Variants in ERCC6 observed in about 807,000 individuals in gnomAD.
ERCC6 encodes DNA excision repair protein ERCC-6.
Under a neutral mutation model 158.7 loss-of-function variants are expected in ERCC6, and 116 were observed. The observed-to-expected ratio is 0.73, with a 90% confidence interval of 0.63 to 0.85. The LOEUF (loss-of-function observed/expected upper bound fraction) is 0.85, where lower values mean the gene tolerates loss of function less well. ERCC6 is among the 40% of genes least tolerant of loss of function. The probability of loss-of-function intolerance (pLI) is 0.00; values close to 1 mark genes in which losing one functional copy is unlikely to be tolerated. For missense variants in ERCC6, 1,698 were observed against 1,799.4 expected, an observed-to-expected ratio of 0.94 and a Z score of 1.02; for synonymous variants, 678 against 659.3, an observed-to-expected ratio of 1.03 and a Z score of -0.43.
At chr10:49,529,780 GT>G (rs1415284517) in intron 3 of ERCC6, among the ~76,000 whole-genome samples, 1 of 152,078 alleles carries the variant, frequency 6.6e-6, no homozygotes, top group Admixed American at 6.5e-5. Context: ...AACTGAAATG[GT>G]TACAGCTAGT....
chr10:49,528,452 AT>A lies in ERCC6; in HGVS notation c.616del (p.Ile206LeufsTer3). The A allele has an allele frequency of 6.2e-7, 1 of 1,614,128 alleles. No individual in the cohort carries two copies. Among genetic ancestry groups the A allele is most frequent in the Non-Finnish European group, 8.5e-7 (1 of 1,180,012 alleles). On this transcript the variant is annotated frameshift_variant, in exon 4 of 21. Coordinates refer to ENST00000355832, the MANE Select transcript of ERCC6 (RefSeq NM_000124.4). LOFTEE classifies it high-confidence loss of function. The stretch of plus-strand genomic sequence containing the variant: ...CTCCAGACTGGCGTGATCTAGTTCA[AT>A]TTTCACCTCTGCTCCTCCAAGGATG... The part of the protein sequence containing the change: ...QAILGGAEVK[I>X]ELDHASLEED...
intron 8 of ERCC6, among the ~76,000 whole-genome samples, chr10:49,490,323 G>A (rs1046986568): frequency 1.3e-5 from 2 of 150,864 alleles, no homozygotes; most frequent in Non-Finnish European, 2.9e-5. Flanking sequence ...TTGAGAAATT[G>A]ACCATTTGAT....
rs1038498892 is a variant in ERCC6 at position 49,470,856 on chromosome 10, T to A, written c.3104A>T (p.His1035Leu). Residue 1035 changes from histidine to leucine, a missense_variant, in exon 18 of 21, where the codon CAT (histidine) becomes CTT (leucine). His to Leu is a moderately conservative substitution (Grantham distance 99, BLOSUM62 -3). Coordinates refer to ENST00000355832, the MANE Select transcript of ERCC6 (RefSeq NM_000124.4). ...GGCTGGTTGAATCCTTCTTTTTAGA[T>A]GGCATTTGGGTGTCTGAACATCTGA... ...TGSDVQTPKC[H>L]LKRRIQPAFG... The A allele has an allele frequency of 1.2e-6, 2 of 1,614,046 alleles. No individual in the cohort carries two copies. Among genetic ancestry groups the A allele is most frequent in the Non-Finnish European group, 1.7e-6 (2 of 1,179,960 alleles).
intron 5 of ERCC6, among the ~76,000 whole-genome samples, chr10:49,508,774 TC>T (rs1851487256): frequency 6.6e-6 from 1 of 151,986 alleles, no homozygotes; most frequent in Non-Finnish European, 1.5e-5. Flanking sequence ...CTGATGAGGG[TC>T]CACTGAAGCA....
chr10:49,523,950 A>C, intron 5 of ERCC6, 83 bp downstream of exon 5: 1 of 1,575,626 alleles, frequency 6.3e-7, no homozygotes. Flanking sequence ...ATTAAGCTGG[A>C]TCTAGAATGC....
Position 49,482,650 on chromosome 10 carries a change from T to C in ERCC6, c.2169+37A>G, listed in dbSNP as rs1280959653. The C allele has an allele frequency of 3.1e-6, 5 of 1,597,896 alleles. No homozygotes were observed. In the African/African-American group the frequency reaches 5.4e-5, roughly 17 times the overall value. ...GTATTTAATAGGAGCACTTTAAATA[T>C]TAAAATGCCAAAAGTATTATCATCC... On this transcript the variant is annotated intron_variant, in intron 10 of 20. Coordinates refer to ENST00000355832, the MANE Select transcript of ERCC6 (RefSeq NM_000124.4).
rs147503108 is a variant in ERCC6, at chr10:49,489,543, C to T, written c.1821+3574G>A. On this transcript the variant is annotated intron_variant, in intron 8 of 20. Coordinates refer to ENST00000355832, the MANE Select transcript of ERCC6 (RefSeq NM_000124.4). ...GTCTTGTAAGCACAAAACCAATGCACTTAAAACTGCATGCTCTTGTTGCTT... is the reference window on the plus strand; with the variant it reads ...GTCTTGTAAGCACAAAACCAATGCATTTAAAACTGCATGCTCTTGTTGCTT... Among the ~76,000 whole-genome samples the T allele has an allele frequency of 7.2e-5, 11 of 152,284 alleles. No homozygotes were observed. The East Asian group carries it at 2.1e-3, about 29-fold the overall frequency.
intron 1 of ERCC6, among the ~76,000 whole-genome samples, chr10:49,538,106 G>T (rs1029586068): frequency 1.3e-5 from 2 of 152,210 alleles, no homozygotes; most frequent in Admixed American, 1.3e-4. Context: ...GAAGGGCTCC[G>T]TTCATGGCCT....
intron 13 of ERCC6, 64 bp downstream of exon 13, chr10:49,473,963 T>C (rs1850829028): frequency 7.1e-7 from 1 of 1,406,902 alleles, no homozygotes; most frequent in South Asian, 1.2e-5. Flanking sequence ...TTGAATCCCA[T>C]TTTGTGAGTT....
At chr10:49,516,016 T>C (rs758984257) in intron 5 of ERCC6, 45 of 1,614,092 alleles carry the variant, frequency 2.8e-5, no homozygotes, top group Non-Finnish European at 3.5e-5. Context: ...TGATGTCCCA[T>C]TGAACTGAGC....
chr10:49,516,044 A>C, intron 5 of ERCC6: 1 of 1,614,182 alleles, frequency 6.2e-7, no homozygotes, highest in Non-Finnish European at 8.5e-7. Context: ...GAAGTGCAAT[A>C]CTGGTGAAAA....
At chr10:49,476,374 T>A in intron 11 of ERCC6, 64 bp from the exon 12 acceptor site, 1 of 1,128,698 alleles carries the variant, frequency 8.9e-7, no homozygotes, top group East Asian at 2.6e-5. Flanking sequence ...ATAATTAAAA[T>A]ATCAACAAAA....
rs56298337 is a variant in ERCC6 at position 49,506,032 on chromosome 10, C to A, written c.1398-20G>T. 9 of 1,612,044 alleles carry A rather than the reference C, an allele frequency of 5.6e-6. No individual in the cohort carries two copies. In the East Asian group the frequency reaches 2.0e-4, roughly 36 times the overall value. ...CATCTCCTACCATGAAAATAAAAAT[C>A]ACATTTCCATTATTTTGATCACAAG... On this transcript the variant is annotated intron_variant, in intron 5 of 20. Coordinates refer to ENST00000355832, the MANE Select transcript of ERCC6 (RefSeq NM_000124.4).
chr10:49,517,497 A>T (rs989903042), intron 5 of ERCC6, among the ~76,000 whole-genome samples: 3 of 152,264 alleles, frequency 2.0e-5, no homozygotes, highest in African/African-American at 7.2e-5. Context: ...GACCTTGAGC[A>T]GTAGGGCATG....
chr10:49,444,838 C>G, the ERCC6 span, among the ~76,000 whole-genome samples: 1 of 152,016 alleles, frequency 6.6e-6, no homozygotes, highest in South Asian at 2.1e-4. Context: ...ACACACAGCA[C>G]AGCAAAAAGT....
At position 49,514,565 on chromosome 10, in the gene ERCC6, T is replaced by C. The variant is rs187917425; in HGVS notation, c.1398-8553A>G. Among the ~76,000 whole-genome samples, 118 of 151,902 alleles carry C rather than the reference T, an allele frequency of 7.8e-4. No homozygotes were observed. The South Asian group carries it at 1.0e-2, about 13-fold the overall frequency. The stretch of plus-strand genomic sequence containing the variant: ...TAATATTTTTATGTTGCAAGGATCA[T>C]TGTACACAGAGCAGTTTAAATCTAC... On this transcript the variant is annotated intron_variant, in intron 5 of 20. Coordinates refer to ENST00000355832, the MANE Select transcript of ERCC6 (RefSeq NM_000124.4).
intron 11 of ERCC6, among the ~76,000 whole-genome samples, chr10:49,476,636 C>T (rs1488405318): frequency 6.6e-6 from 1 of 152,092 alleles, no homozygotes; most frequent in East Asian, 1.9e-4. Flanking sequence ...TCCCACCTCC[C>T]ATGACCCATG....
chr10:49,462,626 GA>G (rs1319523861), intron 18 of ERCC6, among the ~76,000 whole-genome samples: 1 of 151,930 alleles, frequency 6.6e-6, no homozygotes, highest in African/African-American at 2.4e-5. Flanking sequence ...AAACCAAGGG[GA>G]AAAAGGGACC....
At chr10:49,485,389 A>T (rs572868879) in intron 8 of ERCC6, among the ~76,000 whole-genome samples, 15 of 152,394 alleles carry the variant, frequency 9.8e-5, no homozygotes, top group Admixed American at 9.8e-4. Flanking sequence ...AAAAGTTTAA[A>T]AAGAAGATTG....
Sources: gnomAD v4.1 joint callset for allele counts (sites outside exome capture counted in the v4.1 genomes callset) on GRCh38, gnomAD v4.1.1 for gene constraint, MANE v1.5 for transcripts, NCBI Gene and HGNC (gene_info 2026-07-23, HGNC 2026-07-21) for gene names.